The following MAML3 variants were observed in gnomAD, a reference collection of about 807,000 sequenced individuals.
MAML3 encodes mastermind like transcriptional coactivator 3.
Under a neutral mutation model 101.9 loss-of-function variants are expected in MAML3, and 27 were observed. The observed-to-expected ratio is 0.27, with a 90% CI of 0.20 to 0.37. The LOEUF is 0.37. MAML3 is among the 10% of genes least tolerant of loss of function. The pLI is 1.00. For synonymous variants in MAML3, 501 were observed against 555.9 expected, an observed-to-expected ratio of 0.90 and a Z score of 1.39; for missense variants, 1,316 against 1,444.9, an observed-to-expected ratio of 0.91 and a Z score of 1.45.
At chr4:139,881,081 G>A (rs1371633607) in intron 2 of MAML3, among the ~76,000 whole-genome samples, 1 of 152,110 alleles carries the variant, frequency 6.6e-6, no homozygotes, top group Admixed American at 6.5e-5. Context: ...GCTAAACAAC[G>A]CTGTGAAGAC....
chr4:139,859,320 G>A (rs1368603535), intron 2 of MAML3, among the ~76,000 whole-genome samples: 1 of 150,394 alleles, frequency 6.6e-6, no homozygotes, highest in Non-Finnish European at 1.5e-5. Flanking sequence ...TCCACTTCCT[G>A]GGCTAAAGCA....
intron 2 of MAML3, among the ~76,000 whole-genome samples, chr4:139,883,075 C>T (rs182184527): frequency 4.9e-4 from 75 of 152,136 alleles, no homozygotes; most frequent in African/African-American, 1.6e-3. Context: ...CAACACAGAA[C>T]GGTGGTGAAA....
At chr4:140,092,634 A>G (rs2110984476) in intron 1 of MAML3, among the ~76,000 whole-genome samples, 1 of 152,296 alleles carries the variant, frequency 6.6e-6, no homozygotes, top group South Asian at 2.1e-4. Flanking sequence ...TTGCGTTTCA[A>G]TGTGTGCCAT....
intron 1 of MAML3, 58 bp downstream of exon 1, chr4:140,152,802 C>CCCA (rs1232240400): frequency 4.5e-5 from 70 of 1,563,454 alleles, no homozygotes; most frequent in Admixed American, 1.1e-4. Context: ...CCACGCGCCC[C>CCCA]CCACCACCAC....
Position 140,032,625 on chromosome 4 carries a change from A to G in MAML3, c.468+120235T>C, listed in dbSNP as rs138853688. On this transcript the variant is annotated intron_variant, in intron 1 of 4. Coordinates refer to ENST00000509479, the MANE Select transcript of MAML3 (RefSeq NM_018717.5). Reference sequence around the variant, plus strand: ...AAAGTATTAGACTCACATCCATATCAATGATACAAATGGGTAAATTAGTAC... The same window carrying G: ...AAAGTATTAGACTCACATCCATATCGATGATACAAATGGGTAAATTAGTAC... Among the ~76,000 whole-genome samples the G allele has an allele frequency of 6.0e-4, 92 of 152,284 alleles. No homozygotes were observed. The Middle Eastern group carries it at 0.017, about 28-fold the overall frequency.
At chr4:140,066,256 C>T (rs1324730109) in intron 1 of MAML3, among the ~76,000 whole-genome samples, 1 of 152,190 alleles carries the variant, frequency 6.6e-6, no homozygotes, top group East Asian at 1.9e-4. Context: ...ATCACTCTAG[C>T]CTTGGCTTTC....
In MAML3 at chr4:139,717,945, C is replaced by A. The variant is rs1487465299; in HGVS notation, c.*1378G>T. ...TGTACAGGACTTTGGAAGAGGACTA[C>A]TTTGCCCATATGAAATAAACTACAT... is the stretch of plus-strand genomic sequence containing the variant. On this transcript the variant is annotated 3_prime_UTR_variant, in exon 5 of 5. Transcript: ENST00000509479. 1.3e-5 allele frequency: 2 copies of A among 152,212 alleles called. No individual in the cohort carries two copies. The highest frequency in any genetic ancestry group is 2.9e-5 in the Non-Finnish European group (2 of 68,052). 9.4% of individuals were successfully genotyped at this position (152,212 alleles called of 1,614,324 possible).
intron 2 of MAML3, among the ~76,000 whole-genome samples, chr4:139,750,735 T>C (rs1237421418): frequency 6.6e-6 from 1 of 152,190 alleles, no homozygotes; most frequent in Non-Finnish European, 1.5e-5. Context: ...AAAAATGGCC[T>C]TCCTAAGGCA....
intron 2 of MAML3, among the ~76,000 whole-genome samples, chr4:139,844,778 T>G (rs1731414324): frequency 6.6e-6 from 1 of 152,122 alleles, no homozygotes; most frequent in African/African-American, 2.4e-5. Flanking sequence ...TGGGATGACA[T>G]AAAATGAGAC....
chr4:139,915,235 C>A (rs570170539), intron 1 of MAML3, among the ~76,000 whole-genome samples: 1 of 152,358 alleles, frequency 6.6e-6, no homozygotes, highest in African/African-American at 2.4e-5. Flanking sequence ...CAGTTGGCAA[C>A]AGCAGCAGGT....
intron 1 of MAML3, among the ~76,000 whole-genome samples, chr4:140,145,173 A>G (rs1249179777): frequency 6.6e-6 from 1 of 152,204 alleles, no homozygotes; most frequent in Non-Finnish European, 1.5e-5. Context: ...AAAGGGAAGG[A>G]GAGATACACA....
chr4:140,134,485 TA>T (rs1438226305), intron 1 of MAML3: 1 of 392,486 alleles, frequency 2.5e-6, no homozygotes, highest in East Asian at 7.4e-5. Flanking sequence ...ATTCTCCACT[TA>T]AAAACATTTT....
intron 1 of MAML3, among the ~76,000 whole-genome samples, chr4:140,107,190 G>T (rs1413847287): frequency 6.6e-6 from 1 of 152,066 alleles, no homozygotes; most frequent in Admixed American, 6.6e-5. Flanking sequence ...TATTTTTATA[G>T]AAACAAGAAA....
intron 2 of MAML3, among the ~76,000 whole-genome samples, chr4:139,807,251 A>AGTAT (rs1730718041): frequency 6.6e-6 from 1 of 151,680 alleles, no homozygotes; most frequent in Non-Finnish European, 1.5e-5. Flanking sequence ...TGCTTTGCAA[A>AGTAT]CTGTAAAGTA....
At chr4:140,116,516 GA>G (rs1175617002) in intron 1 of MAML3, among the ~76,000 whole-genome samples, 1 of 152,174 alleles carries the variant, frequency 6.6e-6, no homozygotes, top group East Asian at 1.9e-4. Flanking sequence ...AAATACAAAA[GA>G]GAACACAAGT....
intron 1 of MAML3, among the ~76,000 whole-genome samples, chr4:140,129,407 A>G (rs543464634): frequency 2.0e-5 from 3 of 152,312 alleles, no homozygotes; most frequent in East Asian, 3.9e-4. Flanking sequence ...TCTTATGCAT[A>G]CCTTCTTTGC....
rs17050947 is a variant in MAML3 at position 139,867,889 on chromosome 4, G to T, written c.2079+21468C>A. On this transcript the variant is annotated intron_variant, in intron 2 of 4. Transcript: ENST00000509479. ...ACTGCCTTCACAGCCCCTGTGGGATGGCCTGGCTGCCCCGGGACTCTTAAA... is the reference window on the plus strand; with the variant it reads ...ACTGCCTTCACAGCCCCTGTGGGATTGCCTGGCTGCCCCGGGACTCTTAAA... Among the ~76,000 whole-genome samples, 810 of 152,320 alleles carry T rather than the reference G, an allele frequency of 5.3e-3. 7 individuals are homozygous for T. Among genetic ancestry groups the T allele is most frequent in the African/African-American group, 0.018 (729 of 41,564 alleles).
chr4:140,148,514 C>G (rs1353084565), intron 1 of MAML3, among the ~76,000 whole-genome samples: 2 of 152,192 alleles, frequency 1.3e-5, no homozygotes, highest in African/African-American at 2.4e-5. Flanking sequence ...CAATGGAAAG[C>G]TTTCCGAAAG....
At chr4:139,926,932 A>G (rs976519032) in intron 1 of MAML3, among the ~76,000 whole-genome samples, 3 of 152,252 alleles carry the variant, frequency 2.0e-5, no homozygotes, top group Non-Finnish European at 4.4e-5. Context: ...TCCATAGAGA[A>G]GTATTGCCTT....
Sources: allele counts gnomAD v4.1 joint callset (sites outside exome capture counted in the v4.1 genomes callset), GRCh38; gene constraint gnomAD v4.1.1; transcripts MANE v1.5; gene names NCBI Gene and HGNC (gene_info 2026-07-23, HGNC 2026-07-21).